Variants in THSD4 observed in about 807,000 individuals in gnomAD.
The protein encoded by THSD4 is thrombospondin type-1 domain-containing protein 4.
Under a neutral mutation model 119.0 loss-of-function variants are expected in THSD4, and 69 were observed. The ratio of observed to expected loss-of-function variants is 0.58; its 90% CI spans 0.48 to 0.71. The LOEUF (loss-of-function observed/expected upper bound fraction) is 0.71, where lower values mean the gene tolerates loss of function less well. THSD4 is among the 30% of genes least tolerant of loss of function. The pLI is 0.00. For synonymous variants in THSD4, 524 were observed against 540.4 expected, an observed-to-expected ratio of 0.97 and a Z score of 0.42; for missense variants, 1,393 against 1,391.1, an observed-to-expected ratio of 1.00 and a Z score of -0.02.
At chr15:71,311,796 T>C (rs560723210) in intron 6 of THSD4, among the ~76,000 whole-genome samples, 20 of 152,274 alleles carry the variant, frequency 1.3e-4, no homozygotes, top group African/African-American at 4.8e-4. Context: ...TCGTCACTCC[T>C]CTTCAGTCTG....
At chr15:71,712,384 A>G (rs1010478022) in intron 8 of THSD4, among the ~76,000 whole-genome samples, 3 of 152,228 alleles carry the variant, frequency 2.0e-5, no homozygotes, top group African/African-American at 7.2e-5. Flanking sequence ...GCTTAGCAGA[A>G]ATCTGTGGCA....
chr15:71,345,795 T>G (rs1195655605), intron 6 of THSD4, among the ~76,000 whole-genome samples: 1 of 135,784 alleles, frequency 7.4e-6, no homozygotes, highest in Non-Finnish European at 1.7e-5. Flanking sequence ...CTTTGGGTGT[T>G]TTGTTTTTTT....
intron 8 of THSD4, among the ~76,000 whole-genome samples, chr15:71,717,700 C>T (rs1315164015): frequency 2.0e-5 from 3 of 152,086 alleles, no homozygotes; most frequent in Non-Finnish European, 2.9e-5. Context: ...GCTAGCAGCA[C>T]GGGAGACAGA....
intron 6 of THSD4, among the ~76,000 whole-genome samples, chr15:71,327,044 G>A (rs778960767): frequency 6.6e-6 from 1 of 151,668 alleles, no homozygotes; most frequent in African/African-American, 2.4e-5. Flanking sequence ...TTGGGTGCCT[G>A]TAATCCGAGC....
chr15:71,241,184 G>T (rs971706171), intron 4 of THSD4, among the ~76,000 whole-genome samples: 1 of 152,170 alleles, frequency 6.6e-6, no homozygotes, highest in African/African-American at 2.4e-5. Flanking sequence ...CCAATTTTAC[G>T]TAAATGTAGA....
intron 1 of THSD4, among the ~76,000 whole-genome samples, chr15:71,135,147 CAT>C (rs1257170691): frequency 7.5e-6 from 1 of 133,552 alleles, no homozygotes; most frequent in East Asian, 2.2e-4. Flanking sequence ...TATTCTCACT[CAT>C]AGGTGGGAAT....
intron 7 of THSD4, among the ~76,000 whole-genome samples, chr15:71,593,720 C>T (rs150215251): frequency 1.1e-4 from 17 of 151,980 alleles, no homozygotes; most frequent in African/African-American, 3.9e-4. Context: ...GGCAACATGG[C>T]AAAACCCTGT....
intron 7 of THSD4, among the ~76,000 whole-genome samples, chr15:71,629,624 C>A (rs542527612): frequency 2.6e-5 from 4 of 152,230 alleles, no homozygotes; most frequent in East Asian, 1.9e-4. Flanking sequence ...GATGCTCAGG[C>A]CCCCTGGTTG....
chr15:71,547,125 C>T, intron 7 of THSD4: 1 of 996,718 alleles, frequency 1.0e-6, no homozygotes, highest in Non-Finnish European at 1.3e-6. Context: ...TTCTGTCCCT[C>T]CCCTTTCTGC....
At chr15:71,634,567 AG>A (rs1219046077) in intron 7 of THSD4, among the ~76,000 whole-genome samples, 4 of 152,226 alleles carry the variant, frequency 2.6e-5, no homozygotes, top group African/African-American at 9.6e-5. Flanking sequence ...ATTTAGGAGA[AG>A]GGATCTTCCC....
At chr15:71,774,340 G>C (rs1363384043) in intron 17 of THSD4, among the ~76,000 whole-genome samples, 2 of 151,012 alleles carry the variant, frequency 1.3e-5, no homozygotes, top group Non-Finnish European at 2.9e-5. Flanking sequence ...ACAAGAGGCT[G>C]AAGAAATGCT....
intron 7 of THSD4, among the ~76,000 whole-genome samples, chr15:71,459,112 T>G (rs1373861439): frequency 6.6e-6 from 1 of 152,062 alleles, no homozygotes; most frequent in East Asian, 1.9e-4. Flanking sequence ...AACTTCACCC[T>G]TTGAATCTTG....
intron 7 of THSD4, among the ~76,000 whole-genome samples, chr15:71,516,675 C>T (rs2048365887): frequency 6.6e-6 from 1 of 152,098 alleles, no homozygotes; most frequent in Admixed American, 6.5e-5. Context: ...CCATTATTTA[C>T]ATTATTTGTT....
intron 7 of THSD4, among the ~76,000 whole-genome samples, chr15:71,453,478 G>A (rs1009815043): frequency 6.6e-6 from 1 of 152,098 alleles, no homozygotes; most frequent in African/African-American, 2.4e-5. Context: ...TGCCACAAAC[G>A]AATAATACAT....
intron 6 of THSD4, among the ~76,000 whole-genome samples, chr15:71,397,160 T>C (rs2046464722): frequency 6.6e-6 from 1 of 152,208 alleles, no homozygotes; most frequent in African/African-American, 2.4e-5. Context: ...CGATGAGGAA[T>C]GTCTCCCAGC....
chr15:71,205,869 C>CT (rs36119455), intron 3 of THSD4, among the ~76,000 whole-genome samples: 81,739 of 130,786 alleles, frequency 0.62, 25,877 homozygotes, highest in Admixed American at 0.71. Flanking sequence ...TGGAGATTCT[C>CT]TTTTTTTTTT....
chr15:71,561,859 A>C lies in THSD4; in HGVS notation c.1153-98671A>C, dbSNP rs562992639. 2.5e-3 allele frequency among the ~76,000 whole-genome samples: 351 copies of C among 142,072 alleles called. 3 individuals carry two copies. Among genetic ancestry groups the C allele is most frequent in the Admixed American group, 4.9e-3 (67 of 13,802 alleles). 93.2% of individuals were successfully genotyped at this position (142,072 alleles called of 152,430 possible). A position where few individuals can be genotyped will look rare whatever the true frequency, so the allele number is the denominator to read the frequency against. Reference sequence around the variant, plus strand: ...AGGGTGGACCCAGGACTCCTTTTAAAATAAACACACACACACACACACACA... The same window carrying C: ...AGGGTGGACCCAGGACTCCTTTTAACATAAACACACACACACACACACACA... On this transcript the variant is annotated intron_variant, in intron 7 of 17. Transcript: ENST00000261862.
intron 7 of THSD4, among the ~76,000 whole-genome samples, chr15:71,527,143 A>G (rs1166630662): frequency 6.6e-6 from 1 of 152,130 alleles, no homozygotes; most frequent in Non-Finnish European, 1.5e-5. Context: ...TTCACCATGT[A>G]AGGACACAGC....
intron 7 of THSD4, among the ~76,000 whole-genome samples, chr15:71,583,808 T>A (rs1213984052): frequency 6.6e-6 from 1 of 152,200 alleles, no homozygotes; most frequent in African/African-American, 2.4e-5. Flanking sequence ...TTGTTAAGAC[T>A]TGTTTTGGGC....
Sources: allele counts gnomAD v4.1 joint callset (sites outside exome capture counted in the v4.1 genomes callset), GRCh38; gene constraint gnomAD v4.1.1; transcripts MANE v1.5; gene names NCBI Gene and HGNC (gene_info 2026-07-23, HGNC 2026-07-21).